The following NAF1 variants were observed in gnomAD, a reference collection of about 807,000 sequenced individuals.
NAF1 encodes H/ACA ribonucleoprotein complex non-core subunit NAF1.
NAF1 carries 11 observed loss-of-function variants against 40.6 expected under a neutral mutation model. The observed-to-expected ratio is 0.27, with a 90% CI of 0.17 to 0.45. The LOEUF (loss-of-function observed/expected upper bound fraction) is 0.45, where lower values mean the gene tolerates loss of function less well. Among genes scored for constraint, NAF1 ranks in the 20% least tolerant of loss-of-function variants. The pLI is 1.00. For synonymous variants in NAF1, 260 were observed against 228.5 expected, an observed-to-expected ratio of 1.14 and a Z score of -1.24; for missense variants, 607 against 611.1, an observed-to-expected ratio of 0.99 and a Z score of 0.07.
Position 163,137,286 on chromosome 4 carries a change from C to CT in NAF1, c.879-37_879-36insA, listed in dbSNP as rs771965642. 2.3e-5 allele frequency: 36 copies of CT among 1,587,048 alleles called. No homozygotes were observed. In the East Asian group the frequency reaches 8.1e-4, roughly 36 times the overall value. Reference sequence around the variant, plus strand: ...TGGGGATGGGAGTCAAAAAAGTATTCATCACAATTCTATTAAGTGCTCATA... The same window carrying CT: ...TGGGGATGGGAGTCAAAAAAGTATTCTATCACAATTCTATTAAGTGCTCATA... On this transcript the variant is annotated intron_variant, in intron 5 of 7. Transcript: ENST00000274054.
chr4:163,160,274 TCTC>T (rs1395828194), intron 2 of NAF1, among the ~76,000 whole-genome samples: 1 of 152,134 alleles, frequency 6.6e-6, no homozygotes, highest in Non-Finnish European at 1.5e-5. Flanking sequence ...CACTTAAGAC[TCTC>T]CTTTTTCATT....
intron 3 of NAF1, among the ~76,000 whole-genome samples, chr4:163,148,073 A>G (rs1731544988): frequency 6.6e-6 from 1 of 152,204 alleles, no homozygotes; most frequent in Non-Finnish European, 1.5e-5. Flanking sequence ...AATTTGGTAT[A>G]GCAACATTAG....
At chr4:163,160,022 A>G (rs1732152500) in intron 2 of NAF1, among the ~76,000 whole-genome samples, 1 of 152,188 alleles carries the variant, frequency 6.6e-6, no homozygotes, top group Admixed American at 6.5e-5. Flanking sequence ...ATACATTTGA[A>G]TGAAGAGTTC....
chr4:163,161,469 T>TC (rs1491560715), intron 2 of NAF1, among the ~76,000 whole-genome samples: 3 of 142,652 alleles, frequency 2.1e-5, no homozygotes, highest in South Asian at 2.2e-4. Flanking sequence ...CGAAACTCTG[T>TC]CCCCCCTCAC....
intron 2 of NAF1, among the ~76,000 whole-genome samples, chr4:163,162,880 G>A: frequency 6.6e-6 from 1 of 152,134 alleles, no homozygotes; most frequent in East Asian, 1.9e-4. Flanking sequence ...TGGACTCCTT[G>A]TGGCCACAAA....
chr4:163,161,032 A>AG, intron 2 of NAF1, among the ~76,000 whole-genome samples: 1 of 152,140 alleles, frequency 6.6e-6, no homozygotes, highest in East Asian at 1.9e-4. Flanking sequence ...AAAAAAAAAA[A>AG]AAAAAAAATC....
At chr4:163,129,815 T>C (rs1730800260) in intron 7 of NAF1, among the ~76,000 whole-genome samples, 2 of 152,180 alleles carry the variant, frequency 1.3e-5, no homozygotes, top group Admixed American at 1.3e-4. Flanking sequence ...TTCTTCCCTC[T>C]TTTACACTGG....
chr4:163,113,339 T>C (rs988680074), intron 2 of NAF1, among the ~76,000 whole-genome samples: 5 of 151,966 alleles, frequency 3.3e-5, no homozygotes, highest in African/African-American at 1.2e-4. Flanking sequence ...TCCACTTTCA[T>C]AATTCCTCTC....
intron 1 of NAF1, among the ~76,000 whole-genome samples, chr4:163,166,025 A>G (rs767333508): frequency 5.3e-5 from 8 of 152,288 alleles, no homozygotes; most frequent in South Asian, 2.1e-4. Flanking sequence ...TATAACCACA[A>G]AAGTACAGCC....
chr4:163,163,439 T>G (rs1349691257), intron 2 of NAF1, among the ~76,000 whole-genome samples: 1 of 152,164 alleles, frequency 6.6e-6, no homozygotes, highest in African/African-American at 2.4e-5. Context: ...GAATTATGAT[T>G]AGTGACCATT....
downstream of NAF1, among the ~76,000 whole-genome samples, chr4:163,128,092 G>A (rs1311609348): frequency 2.0e-5 from 3 of 152,070 alleles, no homozygotes; most frequent in African/African-American, 4.8e-5. Flanking sequence ...ATATAAAGCA[G>A]TAGTCATTAC....
intron 2 of NAF1, among the ~76,000 whole-genome samples, chr4:163,113,372 G>GTT (rs112220202): frequency 1.1e-4 from 16 of 145,110 alleles, no homozygotes; most frequent in African/African-American, 1.8e-4. Flanking sequence ...GTAATCCCTT[G>GTT]TTTTTATTTT....
chr4:163,166,630 C>T lies in NAF1; in HGVS notation c.98G>A (p.Gly33Asp). 1 of 1,611,800 alleles carries T rather than the reference C, an allele frequency of 6.2e-7. No individual in the cohort carries two copies. The highest frequency in any genetic ancestry group is 8.5e-7 in the Non-Finnish European group (1 of 1,179,592). Residue 33 changes from glycine (G) to aspartate (D), a missense_variant, in exon 1 of 8, where the codon GGC (glycine) becomes GAC (aspartate). Transcript: ENST00000274054. Reference sequence around the variant, plus strand: ...CTGTGTCCCTGGCACAGGGGCAGAGCCCGGAGACGGAGCCGCCGGACCTTC... The same window carrying T: ...CTGTGTCCCTGGCACAGGGGCAGAGTCCGGAGACGGAGCCGCCGGACCTTC... ...VGEGPAAPSP[G>D]SAPVPGTQPP...
Position 163,120,943 on chromosome 4 carries a change from G to A in NAF1, c.115-10653C>T, listed in dbSNP as rs140828340. On this transcript the variant is annotated intron_variant, in intron 2 of 2. Coordinates refer to the NAF1 transcript ENST00000509434. ...GTCTCGCTTTGTCAACCAGGCTAGAGTGTAGTGGAGCGATCTAGGCTCACT... is the reference window on the plus strand; with the variant it reads ...GTCTCGCTTTGTCAACCAGGCTAGAATGTAGTGGAGCGATCTAGGCTCACT... 8.1e-4 allele frequency among the ~76,000 whole-genome samples: 124 copies of A among 152,270 alleles called. 2 individuals are homozygous for A. The East Asian group carries it at 0.019, about 24-fold the overall frequency.
intron 4 of NAF1, among the ~76,000 whole-genome samples, chr4:163,142,141 A>C (rs1397167840): frequency 1.3e-5 from 2 of 152,252 alleles, no homozygotes; most frequent in African/African-American, 4.8e-5. Context: ...TCGTCCAGTA[A>C]GAACTGTGAA....
Position 163,134,759 on chromosome 4 carries a change from C to T in NAF1, c.931-1503G>A, listed in dbSNP as rs77699233. 4.2e-3 allele frequency among the ~76,000 whole-genome samples: 636 copies of T among 151,952 alleles called. 27 individuals are homozygous for T. The East Asian group carries it at 0.059, about 14-fold the overall frequency. On this transcript the variant is annotated intron_variant, in intron 6 of 7. Coordinates refer to ENST00000274054, the MANE Select transcript of NAF1 (RefSeq NM_138386.3). ...CAGAGGCATGATAGAACAGTATATA[C>T]AAAAAAGAAAAATGGTTCTGAAAGG...
rs1441978422 is a variant in NAF1, at chr4:163,145,685, TTAAAA to T, written c.717+92_717+96del. 1.4e-4 allele frequency: 105 copies of T among 777,630 alleles called. 2 individuals carry two copies. Among genetic ancestry groups the T allele is most frequent in the Non-Finnish European group, 2.1e-4 (102 of 476,486 alleles). 48.2% of individuals were successfully genotyped at this position (777,630 alleles called of 1,614,324 possible). On this transcript the variant is annotated intron_variant, in intron 4 of 7. Transcript: ENST00000274054. ...TAGAGAGCTCTAGATTGTCCATCAA[TTAAAA>T]TAAATAAACTCTTCTGAGAACTGAT...
At chr4:163,104,008 G>C in the NAF1 span, among the ~76,000 whole-genome samples, 4 of 151,966 alleles carry the variant, frequency 2.6e-5, no homozygotes, top group African/African-American at 9.7e-5. Context: ...GGAGATAGGG[G>C]TGGGGCTGTT....
rs377061354 is a variant in NAF1 at position 163,148,198 on chromosome 4, A to T, written c.634+143T>A. 56 of 410,522 alleles carry T rather than the reference A, an allele frequency of 1.4e-4. No homozygotes were observed. In the East Asian group the frequency reaches 2.0e-3, roughly 14 times the overall value. 25.4% of individuals were successfully genotyped at this position (410,522 alleles called of 1,614,324 possible). A position where few individuals can be genotyped will look rare whatever the true frequency, so the allele number is the denominator to read the frequency against. ...ATATAATTTTAGTATATGAAAACTG[A>T]ATTTTATCCCTTCAAACTTAATGAC... On this transcript the variant is annotated intron_variant, in intron 3 of 7. Transcript: ENST00000274054.
Sources: gnomAD v4.1 joint callset for allele counts (sites outside exome capture counted in the v4.1 genomes callset) on GRCh38, gnomAD v4.1.1 for gene constraint, MANE v1.5 for transcripts, NCBI Gene and HGNC (gene_info 2026-07-23, HGNC 2026-07-21) for gene names.